Variants in SH2D4B observed in about 807,000 individuals in gnomAD.
SH2D4B encodes the protein SH2 domain-containing protein 4B.
SH2D4B carries 45 observed loss-of-function variants against 61.5 expected under a neutral mutation model. That is an observed-to-expected ratio of 0.73 (90% CI 0.58 to 0.94). SH2D4B has a LOEUF of 0.94. Ranked by LOEUF, SH2D4B falls within the 40% of genes least tolerant of loss-of-function variation. SH2D4B has a pLI of 0.00. For synonymous variants in SH2D4B, 224 were observed against 220.4 expected, an observed-to-expected ratio of 1.02 and a Z score of -0.14; for missense variants, 572 against 574.2, an observed-to-expected ratio of 1.00 and a Z score of 0.04.
chr10:80,590,400 C>A (rs188478578), intron 4 of SH2D4B, among the ~76,000 whole-genome samples: 76 of 152,244 alleles, frequency 5.0e-4, no homozygotes, highest in African/African-American at 1.8e-3. Context: ...ACTGTCCCTA[C>A]GAATTGGCTA....
chr10:80,562,466 A>G (rs1159109644), intron 1 of SH2D4B, among the ~76,000 whole-genome samples: 1 of 152,242 alleles, frequency 6.6e-6, no homozygotes, highest in Non-Finnish European at 1.5e-5. Context: ...GAACCTATCA[A>G]TGATATTATG....
At chr10:80,542,459 G>C (rs1425808803) in intron 1 of SH2D4B, among the ~76,000 whole-genome samples, 1 of 147,612 alleles carries the variant, frequency 6.8e-6, no homozygotes, top group Non-Finnish European at 1.5e-5. Flanking sequence ...GTGCAGTGGT[G>C]TGATCTCGGC....
At chr10:80,634,258 T>TCA in intron 6 of SH2D4B, 27 bp from the exon 7 acceptor site, 1 of 1,485,216 alleles carries the variant, frequency 6.7e-7, no homozygotes, top group Admixed American at 2.5e-5. Context: ...CTGCTGTGTT[T>TCA]TTTTGTTTTT....
intron 6 of SH2D4B, among the ~76,000 whole-genome samples, chr10:80,613,682 G>A (rs1277708348): frequency 6.6e-6 from 1 of 152,206 alleles, no homozygotes; most frequent in African/African-American, 2.4e-5. Flanking sequence ...GCACAAACGG[G>A]GGACCCCACC....
At chr10:80,572,633 T>C (rs1170000463) in intron 3 of SH2D4B, among the ~76,000 whole-genome samples, 1 of 151,968 alleles carries the variant, frequency 6.6e-6, no homozygotes, top group Non-Finnish European at 1.5e-5. Context: ...TTTCTTTTCT[T>C]TTTTGAGACG....
chr10:80,603,597 C>T lies in SH2D4B; in HGVS notation c.662C>T (p.Ala221Val). The T allele has an allele frequency of 6.4e-7, 1 of 1,564,052 alleles. No homozygotes were observed. The highest frequency in any genetic ancestry group is 8.7e-7 in the Non-Finnish European group (1 of 1,153,906). Residue 221 changes from alanine (A) to valine (V), a missense_variant, in exon 5 of 8, where the codon GCT (alanine) becomes GTT (valine). Coordinates refer to ENST00000646907, the MANE Select transcript of SH2D4B (RefSeq NM_001388272.1). ...WEEQLRRSKA[A>V]DEERSRRAQR... ...TTTCCAGTGCGCCGGTCCAAGGCGG[C>T]TGATGAGGAGAGGAGCCGCCGAGCC...
At chr10:80,620,087 G>A (rs12784738) in intron 6 of SH2D4B, among the ~76,000 whole-genome samples, 2,530 of 152,272 alleles carry the variant, frequency 0.017, 28 homozygotes, top group East Asian at 0.028. Flanking sequence ...TCCACACCTT[G>A]CCCACACGTT....
At chr10:80,544,113 C>G (rs1841630976) in intron 1 of SH2D4B, among the ~76,000 whole-genome samples, 1 of 152,158 alleles carries the variant, frequency 6.6e-6, no homozygotes, top group East Asian at 1.9e-4. Context: ...ATAAATCTTG[C>G]TATTGCTCAC....
intron 4 of SH2D4B, among the ~76,000 whole-genome samples, chr10:80,591,369 A>G (rs1442158947): frequency 6.6e-6 from 1 of 152,058 alleles, no homozygotes; most frequent in Non-Finnish European, 1.5e-5. Flanking sequence ...TATTTCTTAT[A>G]GTTCTGGAGG....
At chr10:80,593,089 G>C (rs547406956) in intron 4 of SH2D4B, among the ~76,000 whole-genome samples, 8 of 152,208 alleles carry the variant, frequency 5.3e-5, no homozygotes, top group Non-Finnish European at 1.0e-4. Context: ...ACATAGTCTC[G>C]ATTACTGTAG....
chr10:80,606,826 T>TA, intron 5 of SH2D4B, among the ~76,000 whole-genome samples: 1 of 152,226 alleles, frequency 6.6e-6, no homozygotes, highest in East Asian at 1.9e-4. Flanking sequence ...GTATCTATAC[T>TA]AAGGAAATTA....
rs188039758 is a variant in SH2D4B, at chr10:80,583,147, A to G, written c.496-5483A>G. Among the ~76,000 whole-genome samples, 98 of 152,336 alleles carry G rather than the reference A, an allele frequency of 6.4e-4. 1 individual carries two copies. Among genetic ancestry groups the G allele is most frequent in the African/African-American group, 2.3e-3 (95 of 41,576 alleles). On this transcript the variant is annotated intron_variant, in intron 3 of 7. Transcript: ENST00000646907. ...ACGAACTTAAACCATACTCGCACACAGAGGAAACAGACCTAAATCAGAGCA... is the reference window on the plus strand; with the variant it reads ...ACGAACTTAAACCATACTCGCACACGGAGGAAACAGACCTAAATCAGAGCA...
chr10:80,613,610 G>T (rs1450064667), intron 6 of SH2D4B, among the ~76,000 whole-genome samples: 1 of 152,184 alleles, frequency 6.6e-6, no homozygotes, highest in Non-Finnish European at 1.5e-5. Flanking sequence ...GCCTCACCTG[G>T]GCTTGGGTGG....
At chr10:80,606,695 A>G (rs1035346433) in intron 5 of SH2D4B, among the ~76,000 whole-genome samples, 5 of 152,146 alleles carry the variant, frequency 3.3e-5, no homozygotes, top group Non-Finnish European at 7.3e-5. Context: ...ACTGGCTTAG[A>G]AAATTCCTGA....
chr10:80,583,014 T>C (rs1210926992), intron 3 of SH2D4B, among the ~76,000 whole-genome samples: 1 of 152,204 alleles, frequency 6.6e-6, no homozygotes, highest in Non-Finnish European at 1.5e-5. Context: ...TGGAGCATGC[T>C]CTCTGAGTTT....
chr10:80,571,281 G>C (rs1159569142), intron 2 of SH2D4B, 150 bp from the exon 3 acceptor site: 1 of 799,142 alleles, frequency 1.3e-6, no homozygotes, highest in Non-Finnish European at 1.9e-6. Flanking sequence ...ACACTCCCAT[G>C]CGTGAGAATG....
At chr10:80,612,274 C>T (rs1310930423) in intron 6 of SH2D4B, among the ~76,000 whole-genome samples, 1 of 144,740 alleles carries the variant, frequency 6.9e-6, no homozygotes, top group Non-Finnish European at 1.5e-5. Flanking sequence ...TATAGGAATT[C>T]CCTGGTGGAG....
At chr10:80,551,683 T>C (rs1238589305) in intron 1 of SH2D4B, among the ~76,000 whole-genome samples, 2 of 152,204 alleles carry the variant, frequency 1.3e-5, no homozygotes, top group East Asian at 1.9e-4. Context: ...GTAGCCATGT[T>C]AATGAGGACC....
chr10:80,623,040 G>A (rs1224054515), intron 6 of SH2D4B, among the ~76,000 whole-genome samples: 1 of 152,074 alleles, frequency 6.6e-6, no homozygotes, highest in African/African-American at 2.4e-5. Context: ...TCAGCCTCCC[G>A]AGTAGCTGGG....
Sources: gnomAD v4.1 joint callset for allele counts (sites outside exome capture counted in the v4.1 genomes callset) on GRCh38, gnomAD v4.1.1 for gene constraint, MANE v1.5 for transcripts, NCBI Gene and HGNC (gene_info 2026-07-23, HGNC 2026-07-21) for gene names.